The following CMKLR2 variants were observed in gnomAD, a reference collection of about 807,000 sequenced individuals.
The protein encoded by CMKLR2 is chemerin chemokine-like receptor 2, also known as chemerin-like receptor 2.
In CMKLR2, 18 loss-of-function variants were observed where a neutral mutation model predicts 23.0. The observed-to-expected ratio is 0.78, with a 90% CI of 0.54 to 1.16. CMKLR2 has a LOEUF of 1.16. Ranked by LOEUF, CMKLR2 falls within the 50% of genes most tolerant of loss-of-function variation. The probability of loss-of-function intolerance (pLI) is 0.00; values close to 1 mark genes in which losing one functional copy is unlikely to be tolerated. For missense variants in CMKLR2, 401 were observed against 412.7 expected, an observed-to-expected ratio of 0.97 and a Z score of 0.25; for synonymous variants, 158 against 158.9, an observed-to-expected ratio of 0.99 and a Z score of 0.05.
intron 1 of CMKLR2, among the ~76,000 whole-genome samples, chr2:206,201,424 G>T (rs1298535313): frequency 1.3e-5 from 2 of 152,132 alleles, no homozygotes; most frequent in African/African-American, 4.8e-5. Context: ...TTGACTAATG[G>T]CTTATTTAGT....
intron 1 of CMKLR2, among the ~76,000 whole-genome samples, chr2:206,210,967 C>A (rs1047635144): frequency 8.6e-5 from 13 of 152,026 alleles, no homozygotes; most frequent in African/African-American, 3.1e-4. Context: ...GATTTAACGT[C>A]AATTCAACTT....
At chr2:206,187,844 A>C (rs1408440332) in intron 1 of CMKLR2, among the ~76,000 whole-genome samples, 9 of 152,168 alleles carry the variant, frequency 5.9e-5, no homozygotes, top group Non-Finnish European at 1.5e-5. Context: ...CAATAGAAAG[A>C]AGCTGTGGTG....
chr2:206,189,386 G>A (rs1688680699), intron 1 of CMKLR2, among the ~76,000 whole-genome samples: 1 of 152,202 alleles, frequency 6.6e-6, no homozygotes, highest in South Asian at 2.1e-4. Flanking sequence ...TATAATCCCA[G>A]CACTTTGAGA....
chr2:206,202,723 G>A (rs1332903889), intron 1 of CMKLR2, among the ~76,000 whole-genome samples: 1 of 152,064 alleles, frequency 6.6e-6, no homozygotes, highest in Non-Finnish European at 1.5e-5. Context: ...GCGGCGGGGG[G>A]CTGGGTTTCA....
chr2:206,200,251 C>G (rs1030953838), intron 1 of CMKLR2, among the ~76,000 whole-genome samples: 1 of 151,918 alleles, frequency 6.6e-6, no homozygotes, highest in Non-Finnish European at 1.5e-5. Flanking sequence ...CAGTGAAACC[C>G]CATCTCTACT....
chr2:206,177,672 C>T (rs1033632292), intron 1 of CMKLR2, among the ~76,000 whole-genome samples: 5 of 152,146 alleles, frequency 3.3e-5, no homozygotes, highest in African/African-American at 1.2e-4. Flanking sequence ...TAGGCATGAG[C>T]AACTATACCC....
upstream of CMKLR2, among the ~76,000 whole-genome samples, chr2:206,214,190 T>TTTTTTTTTTTTG (rs1689672842): frequency 2.1e-5 from 1 of 46,934 alleles, no homozygotes. Context: ...TTTTTTTTTT[T>TTTTTTTTTTTTG]TGAGACGGAG....
At chr2:206,198,085 C>G (rs1487164390) in intron 1 of CMKLR2, among the ~76,000 whole-genome samples, 1 of 152,160 alleles carries the variant, frequency 6.6e-6, no homozygotes. Context: ...ACAGGCGAAG[C>G]TGGGTTATGG....
intron 1 of CMKLR2, among the ~76,000 whole-genome samples, chr2:206,212,962 A>C (rs1194111768): frequency 6.6e-6 from 1 of 152,218 alleles, no homozygotes; most frequent in Non-Finnish European, 1.5e-5. Context: ...ACAACTCCTT[A>C]AAAGACAGAT....
upstream of CMKLR2, among the ~76,000 whole-genome samples, chr2:206,215,715 G>T (rs1000663374): frequency 6.6e-6 from 1 of 152,194 alleles, no homozygotes; most frequent in African/African-American, 2.4e-5. Flanking sequence ...ACACCCTAAG[G>T]CATGACTTGC....
intron 1 of CMKLR2, among the ~76,000 whole-genome samples, chr2:206,198,361 G>A (rs1688984285): frequency 6.6e-6 from 1 of 152,130 alleles, no homozygotes; most frequent in Non-Finnish European, 1.5e-5. Context: ...GTAACTTTGG[G>A]TGGGTCAGTG....
At chr2:206,177,423 C>T (rs1688269222) in intron 1 of CMKLR2, 148 bp from the exon 2 acceptor site, 1 of 547,318 alleles carries the variant, frequency 1.8e-6, no homozygotes, top group African/African-American at 1.9e-5. Flanking sequence ...GGGTCTCACT[C>T]TGTTGCCCAA....
chr2:206,185,334 T>C (rs1218017262), intron 1 of CMKLR2, among the ~76,000 whole-genome samples: 4 of 152,110 alleles, frequency 2.6e-5, no homozygotes, highest in Admixed American at 6.6e-5. Context: ...GTTGAAAAAA[T>C]AACTGCAAAG....
chr2:206,217,896 G>A (rs994357508), upstream of CMKLR2: 6 of 152,150 alleles, frequency 3.9e-5, no homozygotes, highest in African/African-American at 1.2e-4. Flanking sequence ...GAATCCTTGT[G>A]GTTTAATGAT....
intron 1 of CMKLR2, among the ~76,000 whole-genome samples, chr2:206,211,720 A>G (rs1279342029): frequency 6.6e-6 from 1 of 150,916 alleles, no homozygotes; most frequent in Non-Finnish European, 1.5e-5. Flanking sequence ...TCCTATTAAG[A>G]TGGCATATAT....
chr2:206,193,670 C>G (rs1222082127), intron 1 of CMKLR2, among the ~76,000 whole-genome samples: 2 of 152,178 alleles, frequency 1.3e-5, no homozygotes, highest in Admixed American at 1.3e-4. Flanking sequence ...TGGAAGCAAG[C>G]ATCATAGCAG....
chr2:206,196,324 A>G (rs1688918980), intron 1 of CMKLR2, among the ~76,000 whole-genome samples: 1 of 152,194 alleles, frequency 6.6e-6, no homozygotes, highest in Non-Finnish European at 1.5e-5. Flanking sequence ...CAGTGAGCCA[A>G]GATCATACCA....
intron 1 of CMKLR2, among the ~76,000 whole-genome samples, chr2:206,209,303 C>T (rs1689449812): frequency 2.0e-5 from 3 of 150,872 alleles, no homozygotes; most frequent in Admixed American, 6.6e-5. Flanking sequence ...GCAGCCACTG[C>T]ACTTCAGCCT....
intron 1 of CMKLR2, among the ~76,000 whole-genome samples, chr2:206,194,089 A>G (rs1405361047): frequency 6.6e-6 from 1 of 152,186 alleles, no homozygotes; most frequent in Non-Finnish European, 1.5e-5. Context: ...GGGACCTTGC[A>G]GAATATATTG....
Sources: gnomAD v4.1 joint callset for allele counts (sites outside exome capture counted in the v4.1 genomes callset) on GRCh38, gnomAD v4.1.1 for gene constraint, MANE v1.5 for transcripts, NCBI Gene and HGNC (gene_info 2026-07-23, HGNC 2026-07-21) for gene names.